DLGAP3: variants seen among roughly 807,000 people sequenced by gnomAD.
The protein encoded by DLGAP3 is disks large-associated protein 3.
In DLGAP3, 17 loss-of-function variants were observed where a neutral mutation model predicts 81.2. That is an observed-to-expected ratio of 0.21 (90% CI 0.14 to 0.31). The LOEUF (loss-of-function observed/expected upper bound fraction) is 0.31, where lower values mean the gene tolerates loss of function less well. DLGAP3 is among the 10% of genes least tolerant of loss of function. The pLI, the probability that DLGAP3 is intolerant of heterozygous loss-of-function variation, is 1.00. For synonymous variants in DLGAP3, 577 were observed against 587.4 expected (o/e 0.98, Z 0.26); for missense variants, 1,124 against 1,388.0 (o/e 0.81, Z 3.02).
intron 1 of DLGAP3, among the ~76,000 whole-genome samples, chr1:34,908,367 G>A (rs1639590870): frequency 6.6e-6 from 1 of 152,232 alleles, no homozygotes; most frequent in African/African-American, 2.4e-5. Context: ...CAAGATGTCT[G>A]TGTGTCCCAT....
At position 34,899,724 on chromosome 1, in the gene DLGAP3, C is replaced by T. The variant is rs766267134; in HGVS notation, c.1331G>A (p.Arg444Gln). ...QARINCCVPPRIHPRSSIPGY... is the reference protein window; with the variant it reads ...QARINCCVPPQIHPRSSIPGY... ...AGGGATGGAGCTCCGGGGGTGGATC[C>T]GGGGTGGGACACAGCAGCTGGAAAA... Residue 444 changes from arginine to glutamine, a missense_variant, in exon 5 of 12, where the codon CGG becomes CAG. Physicochemically the swap from Arg to Gln is conservative, Grantham distance 43. Around this residue, in one of 9 missense-constraint regions of DLGAP3, gnomAD observed 357 missense variants for 408.8 expected, o/e 0.87. Transcript: ENST00000373347. The T allele has an allele frequency of 1.1e-5, 17 of 1,613,662 alleles. No individual in the cohort carries two copies. Among genetic ancestry groups the T allele is most frequent in the South Asian group, 9.9e-5 (9 of 91,048 alleles).
intron 1 of DLGAP3, among the ~76,000 whole-genome samples, chr1:34,914,253 C>T (rs1639684185): frequency 6.6e-6 from 1 of 152,230 alleles, no homozygotes; most frequent in African/African-American, 2.4e-5. Flanking sequence ...AGCCTCACTC[C>T]TTCATGCCCC....
intron 1 of DLGAP3, among the ~76,000 whole-genome samples, chr1:34,917,924 T>C (rs1161826417): frequency 6.6e-6 from 1 of 152,188 alleles, no homozygotes; most frequent in Non-Finnish European, 1.5e-5. Context: ...CTGCCTGTGA[T>C]GGATGGAATT....
At chr1:34,917,106 A>G (rs976258994) in intron 1 of DLGAP3, among the ~76,000 whole-genome samples, 5 of 152,110 alleles carry the variant, frequency 3.3e-5, no homozygotes, top group African/African-American at 7.2e-5. Context: ...GAAACCTTCC[A>G]TCTCTGTCAT....
intron 5 of DLGAP3, among the ~76,000 whole-genome samples, chr1:34,890,865 G>T (rs532967753): frequency 6.6e-6 from 1 of 152,344 alleles, no homozygotes; most frequent in African/African-American, 2.4e-5. Context: ...GTTGTTTAAA[G>T]ATACTACATT....
rs145498748 is a variant in DLGAP3 at position 34,900,351 on chromosome 1, T to C, written c.1108-78A>G. ...GCCAGGACTCTTTCCCCACTGCCAG[T>C]GGGAGATGCCCTGCCCTGGCTTGAA... On this transcript the variant is annotated intron_variant, in intron 3 of 11. Transcript: ENST00000373347. The surrounding 1 kb of genome is among the most constrained non-coding windows in gnomAD (Gnocchi z 5.6). The C allele has an allele frequency of 1.3e-3, 1,847 of 1,449,584 alleles. 28 individuals carry two copies. The African/African-American group carries it at 0.022, about 18-fold the overall frequency. The allele number at this position is 1,449,584 out of a possible 1,614,324, so 89.8% of individuals were successfully genotyped here. A position where few individuals can be genotyped will look rare whatever the true frequency, so the allele number is the denominator to read the frequency against.
chr1:34,904,639 C>G lies in DLGAP3; in HGVS notation c.745G>C (p.Gly249Arg). 1 of 1,614,190 alleles carries G rather than the reference C, an allele frequency of 6.2e-7. No individual in the cohort carries two copies. Among genetic ancestry groups the G allele is most frequent in the Non-Finnish European group, 8.5e-7 (1 of 1,180,032 alleles). ...GACTTGGCCTGGTGCCGCCCATCCC[C>G]CTTGCGGTCCTTGCTCTTGCTCCTC... ...GKRSKSKDRK[G>R]DGRHQAKSTG... Residue 249 changes from glycine (G) to arginine (R), a missense_variant, in exon 3 of 12, where the codon GGG (glycine) becomes CGG (arginine). Gly to Arg is a moderately radical substitution (Grantham distance 125). Transcript: ENST00000373347. This position sits in a 1 kb window ranked among gnomAD's most constrained non-coding sequence, Gnocchi z 8.1.
chr1:34,915,206 T>G (rs1639698178), intron 1 of DLGAP3, among the ~76,000 whole-genome samples: 2 of 152,214 alleles, frequency 1.3e-5, no homozygotes, highest in Non-Finnish European at 1.5e-5. Flanking sequence ...GGGATCACAA[T>G]ACCTACCTCC....
At chr1:34,894,561 A>C (rs1639357480) in intron 5 of DLGAP3, among the ~76,000 whole-genome samples, 1 of 152,280 alleles carries the variant, frequency 6.6e-6, no homozygotes, top group Non-Finnish European at 1.5e-5. Flanking sequence ...TAACGGCAAC[A>C]ACAGACAGAT....
chr1:34,885,138 A>G, intron 7 of DLGAP3, 75 bp from the exon 8 acceptor site: 1 of 1,384,052 alleles, frequency 7.2e-7, no homozygotes, highest in Non-Finnish European at 1.0e-6. Flanking sequence ...ACGGCTAGCA[A>G]TGGCTGCGCC....
chr1:34,887,663 A>C (rs1003121852), intron 5 of DLGAP3, among the ~76,000 whole-genome samples: 1 of 152,190 alleles, frequency 6.6e-6, no homozygotes, highest in African/African-American at 2.4e-5. Flanking sequence ...TGAGCTTCCA[A>C]GCAGGCAAAG....
intron 5 of DLGAP3, among the ~76,000 whole-genome samples, chr1:34,897,586 G>A (rs920350825): frequency 1.3e-5 from 2 of 152,174 alleles, no homozygotes; most frequent in African/African-American, 2.4e-5. Context: ...TGCAGGCCTC[G>A]AAAGCCATGG....
At position 34,886,943 on chromosome 1, in the gene DLGAP3, C is replaced by CTTT. The variant is rs949966445; in HGVS notation, c.1387-661_1387-659dup. 7.9e-3 allele frequency among the ~76,000 whole-genome samples: 505 copies of CTTT among 64,328 alleles called. 59 individuals are homozygous for CTTT. Among genetic ancestry groups the CTTT allele is most frequent in the Non-Finnish European group, 0.011 (365 of 33,478 alleles). 42.2% of individuals were successfully genotyped at this position (64,328 alleles called of 152,430 possible). A position where few individuals can be genotyped will look rare whatever the true frequency, so the allele number is the denominator to read the frequency against. The stretch of plus-strand genomic sequence containing the variant: ...AGTGTCCCAAGCCTTCCCCCACCTT[C>CTTT]TTTTTTTTTTTTTTTTTTTTTTTTT... On this transcript the variant is annotated intron_variant, in intron 5 of 11. Coordinates refer to ENST00000373347, the MANE Select transcript of DLGAP3 (RefSeq NM_001080418.3).
In DLGAP3 at chr1:34,866,293, C is replaced by T. The variant is rs1473478785; in HGVS notation, c.2730G>A (p.Lys910=). 3.3e-6 allele frequency: 5 copies of T among 1,524,950 alleles called. No homozygotes were observed. Among genetic ancestry groups the T allele is most frequent in the Non-Finnish European group, 4.4e-6 (5 of 1,135,970 alleles). The allele number at this position is 1,524,950 out of a possible 1,614,324, so 94.5% of individuals were successfully genotyped here. A position where few individuals can be genotyped will look rare whatever the true frequency, so the allele number is the denominator to read the frequency against. The change falls in exon 12 of 12, where the codon AAG becomes AAA. Residue 910 remains lysine, a synonymous_variant. Transcript: ENST00000373347. ...SWKLLEPKEE[K]KVPPPIPKKP... ...TCTTTGGTATCGGCGGAGGGACCTT[C>T]TTCTCCTCCTGCGGGGCAGAGGGCG...
chr1:34,905,125 T>C lies in DLGAP3; in HGVS notation c.259A>G (p.Ser87Gly). The C allele has an allele frequency of 9.5e-6, 15 of 1,577,874 alleles. No individual in the cohort carries two copies. Among genetic ancestry groups the C allele is most frequent in the Non-Finnish European group, 1.3e-5 (15 of 1,161,292 alleles). Residue 87 changes from serine to glycine, a missense_variant, in exon 3 of 12, where the codon AGC becomes GGC. By Grantham distance (56) the Ser-to-Gly change is moderately conservative. This residue lies in a region of DLGAP3 where 167 missense variants were observed against 172.1 expected (regional missense o/e 0.97). Transcript: ENST00000373347. ...CCAGGGTACATCCTGGGGAAGGTGCTGCTACCCCCCCCAACCCCGGCCCCC... is the reference window on the plus strand; with the variant it reads ...CCAGGGTACATCCTGGGGAAGGTGCCGCTACCCCCCCCAACCCCGGCCCCC... ...PAGAGVGGGS[S>G]TFPRMYPGQG... is the part of the protein sequence containing the mutation.
rs139408471 is a variant in DLGAP3, at chr1:34,900,268, C to T, written c.1113G>A (p.Pro371=). The T allele has an allele frequency of 7.3e-5, 118 of 1,613,632 alleles. No individual in the cohort carries two copies. The highest frequency in any genetic ancestry group is 1.5e-4 in the African/African-American group (11 of 74,932). ...KARTYHYLQV[P]QDDWGGYPTG... The stretch of plus-strand genomic sequence containing the variant: ...TGGGGTAACCCCCCCAGTCATCTTG[C>T]GGCACCTGCAGGAACAGGGGTCTCT... The change falls in exon 4 of 12, where the codon CCG becomes CCA. Residue 371 remains proline (P), a synonymous_variant. Coordinates refer to ENST00000373347, the MANE Select transcript of DLGAP3 (RefSeq NM_001080418.3). This position sits in a 1 kb window ranked among gnomAD's most constrained non-coding sequence, Gnocchi z 5.6.
chr1:34,921,354 T>C (rs1363106163), intron 1 of DLGAP3, among the ~76,000 whole-genome samples: 1 of 152,250 alleles, frequency 6.6e-6, no homozygotes, highest in Non-Finnish European at 1.5e-5. Context: ...CTGAAATACC[T>C]GTTCCCACAG....
intron 5 of DLGAP3, among the ~76,000 whole-genome samples, chr1:34,894,555 G>A (rs1029487883): frequency 5.9e-5 from 9 of 152,230 alleles, no homozygotes; most frequent in East Asian, 1.9e-4. Context: ...ACTCCTTAAC[G>A]GCAACAACAG....
chr1:34,906,978 C>G (rs369063162), intron 2 of DLGAP3, among the ~76,000 whole-genome samples: 1 of 152,246 alleles, frequency 6.6e-6, no homozygotes, highest in African/African-American at 2.4e-5. Context: ...GACCAGGCTC[C>G]TGGGCCATCT....
Sources: allele counts gnomAD v4.1 joint callset (sites outside exome capture counted in the v4.1 genomes callset), GRCh38; gene constraint gnomAD v4.1.1; regional missense constraint gnomAD v4.1.1; non-coding constraint Gnocchi (gnomAD v3.1); transcripts MANE v1.5; gene names NCBI Gene and HGNC (gene_info 2026-07-23, HGNC 2026-07-21).